Variants in AAAS observed in about 807,000 individuals in gnomAD.
AAAS encodes aladin.
Under a neutral mutation model 75.6 loss-of-function variants are expected in AAAS, and 60 were observed. That is an observed-to-expected ratio of 0.79 (90% CI 0.64 to 0.98). AAAS has a LOEUF of 0.98. Among genes scored for constraint, AAAS ranks in the 50% least tolerant of loss-of-function variants. The pLI is 0.00. For missense variants in AAAS, 658 were observed against 686.9 expected, an observed-to-expected ratio of 0.96 and a Z score of 0.47; for synonymous variants, 271 against 265.0, an observed-to-expected ratio of 1.02 and a Z score of -0.22.
rs532374575 is a variant in AAAS, at chr12:53,321,596, G to C, written c.-131C>G. Reference sequence around the variant, plus strand: ...ACCGCAAGGGACAAACGGCGAGGCGGAACTCAACGGAAGTGAAGAAAAGAC... The same window carrying C: ...ACCGCAAGGGACAAACGGCGAGGCGCAACTCAACGGAAGTGAAGAAAAGAC... On this transcript the variant is annotated 5_prime_UTR_variant, in exon 1 of 16. Transcript: ENST00000209873. 18 of 1,490,890 alleles carry C rather than the reference G, an allele frequency of 1.2e-5. No homozygotes were observed. The South Asian group carries it at 2.0e-4, about 17-fold the overall frequency. The allele number at this position is 1,490,890 out of a possible 1,614,324, so 92.4% of individuals were successfully genotyped here. A position where few individuals can be genotyped will look rare whatever the true frequency, so the allele number is the denominator to read the frequency against.
At chr12:53,318,325 C>T (rs1592522454) in intron 2 of AAAS, among the ~76,000 whole-genome samples, 1 of 151,340 alleles carries the variant, frequency 6.6e-6, no homozygotes, top group Admixed American at 6.6e-5. Context: ...GGTGTGAACT[C>T]GGCTCACTGC....
intron 1 of AAAS, 21 bp from the exon 2 acceptor site, chr12:53,320,713 G>T (rs751023665): frequency 6.2e-7 from 1 of 1,613,204 alleles, no homozygotes; most frequent in South Asian, 1.1e-5. Context: ...AAAGTGAGGA[G>T]TGTGACGGTG....
intron 2 of AAAS, among the ~76,000 whole-genome samples, chr12:53,316,404 G>A (rs142521463): frequency 0.012 from 1,746 of 151,318 alleles, 27 homozygotes; most frequent in South Asian, 0.051. Context: ...GCAGTAAGCC[G>A]AGATTGTGCC....
intron 7 of AAAS, among the ~76,000 whole-genome samples, chr12:53,311,185 C>T (rs1197474893): frequency 1.3e-5 from 2 of 152,138 alleles, no homozygotes; most frequent in Non-Finnish European, 2.9e-5. Context: ...CTCAAGCGAT[C>T]CATCTGCCTC....
Position 53,315,414 on chromosome 12 carries a change from A to T in AAAS, c.320T>A (p.Val107Glu). The T allele has an allele frequency of 3.1e-6, 5 of 1,613,104 alleles. No homozygotes were observed. Among genetic ancestry groups the T allele is most frequent in the Non-Finnish European group, 3.4e-6 (4 of 1,179,890 alleles). ...CAGGGCCCAGCCGGATGCCGTCTTC[A>T]CCCACTCAAACACTGTAGGGTTGAG... ...ANSEEEVFEWVKTASGWALAL... is the reference protein window; with the variant it reads ...ANSEEEVFEWEKTASGWALAL... The change falls in exon 4 of 16, where the codon GTG (valine) becomes GAG (glutamate). Residue 107 changes from valine to glutamate, a missense_variant. Coordinates refer to ENST00000209873, the MANE Select transcript of AAAS (RefSeq NM_015665.6).
intron 2 of AAAS, among the ~76,000 whole-genome samples, chr12:53,317,514 G>A (rs985884876): frequency 8.6e-5 from 13 of 151,678 alleles, no homozygotes; most frequent in Non-Finnish European, 1.6e-4. Context: ...CCGAGATCGT[G>A]CCACTGCACT....
At chr12:53,316,764 CAAAA>C (rs34520642) in intron 2 of AAAS, among the ~76,000 whole-genome samples, 2 of 77,200 alleles carry the variant, frequency 2.6e-5, no homozygotes, top group African/African-American at 6.0e-5. Context: ...CCATCTCAGA[CAAAA>C]AAAAAAAAAA....
chr12:53,314,068 CA>C (rs1224485092), intron 7 of AAAS, among the ~76,000 whole-genome samples: 1 of 151,916 alleles, frequency 6.6e-6, no homozygotes, highest in Non-Finnish European at 1.5e-5. Context: ...AGAGTCTTTC[CA>C]CCCCGTAACC....
intron 8 of AAAS, 69 bp downstream of exon 8, chr12:53,309,532 T>C: frequency 6.2e-7 from 1 of 1,610,682 alleles, no homozygotes; most frequent in African/African-American, 1.3e-5. Flanking sequence ...CCCCAAGATG[T>C]TTCCACAACC....
chr12:53,309,070 G>A (rs904042274), intron 9 of AAAS, 50 bp from the exon 10 acceptor site: 14 of 1,614,074 alleles, frequency 8.7e-6, no homozygotes, highest in Non-Finnish European at 1.2e-5. Context: ...AGTTCTAAAA[G>A]TTGGACCTAC....
intron 2 of AAAS, 87 bp downstream of exon 2, chr12:53,320,478 T>C: frequency 6.3e-7 from 1 of 1,589,468 alleles, no homozygotes; most frequent in Non-Finnish European, 8.6e-7. Flanking sequence ...TAAAAGTCTT[T>C]TGAAGAACAC....
intron 2 of AAAS, 71 bp downstream of exon 2, chr12:53,320,494 G>A: frequency 6.3e-7 from 1 of 1,594,214 alleles, no homozygotes; most frequent in Non-Finnish European, 8.6e-7. Flanking sequence ...AACACCCCAA[G>A]GTAAAGGGGT....
intron 2 of AAAS, among the ~76,000 whole-genome samples, chr12:53,317,968 C>A (rs745697645): frequency 5.3e-5 from 8 of 152,128 alleles, no homozygotes; most frequent in Non-Finnish European, 1.2e-4. Context: ...GGACTAGGTG[C>A]CTCACATTAA....
intron 2 of AAAS, among the ~76,000 whole-genome samples, chr12:53,318,253 T>TGTGTGTGTGTGTGC (rs1944496871): frequency 1.2e-5 from 1 of 85,396 alleles, no homozygotes; most frequent in African/African-American, 3.5e-5. Flanking sequence ...TGCGTGTGTG[T>TGTGTGTGTGTGTGC]GTGTGTGTGT....
intron 7 of AAAS, among the ~76,000 whole-genome samples, chr12:53,313,257 G>A (rs779431346): frequency 1.4e-5 from 2 of 147,652 alleles, no homozygotes. Context: ...TCCGCTTCCC[G>A]GGTTCAAGTG....
At chr12:53,314,505 C>A in intron 6 of AAAS, 64 bp from the exon 7 acceptor site, 1 of 1,605,684 alleles carries the variant, frequency 6.2e-7, no homozygotes, top group Non-Finnish European at 8.5e-7. Flanking sequence ...GACCAGAGTG[C>A]AGTTAAGGAG....
At chr12:53,314,621 C>A in intron 6 of AAAS, 130 bp downstream of exon 6, 2 of 1,314,314 alleles carry the variant, frequency 1.5e-6, no homozygotes, top group Admixed American at 2.0e-5. Context: ...AGTTATGGAG[C>A]TTCCCTGACC....
intron 7 of AAAS, among the ~76,000 whole-genome samples, chr12:53,310,092 G>A (rs968564668): frequency 6.6e-6 from 1 of 152,200 alleles, no homozygotes; most frequent in Non-Finnish European, 1.5e-5. Context: ...CATCCAGCCT[G>A]GCCATCCATC....
At chr12:53,321,161 C>G (rs1301145817) in intron 1 of AAAS, 182 bp downstream of exon 1, 2 of 913,694 alleles carry the variant, frequency 2.2e-6, no homozygotes, top group East Asian at 5.3e-5. Context: ...TAACCGTTCC[C>G]CCGTTATACT....
Sources: allele counts gnomAD v4.1 joint callset (sites outside exome capture counted in the v4.1 genomes callset), GRCh38; gene constraint gnomAD v4.1.1; transcripts MANE v1.5; gene names NCBI Gene and HGNC (gene_info 2026-07-23, HGNC 2026-07-21).